The following CRHBP variants were observed in gnomAD, a reference collection of about 807,000 sequenced individuals.
The protein encoded by CRHBP is corticotropin releasing hormone binding protein.
Under a neutral mutation model 34.9 loss-of-function variants are expected in CRHBP, and 19 were observed. The observed-to-expected ratio is 0.55, with a 90% CI of 0.38 to 0.80. The LOEUF is 0.80. Ranked by LOEUF, CRHBP falls within the 30% of genes least tolerant of loss-of-function variation. The probability of loss-of-function intolerance (pLI) is 0.00; values close to 1 mark genes in which losing one functional copy is unlikely to be tolerated. For synonymous variants in CRHBP, 154 were observed against 153.4 expected (o/e 1.00, Z -0.03); for missense variants, 328 against 409.2 (o/e 0.80, Z 1.71).
Position 76,954,155 on chromosome 5 carries a change from C to T in CRHBP, c.302C>T (p.Ser101Phe). Reference protein sequence around the residue: ...EFITIHYDQVSIDCQGGDFLK... With the variant: ...EFITIHYDQVFIDCQGGDFLK... ...ATTACCATCCACTACGACCAGGTCT[C>T]CATCGACTGTCAGGGCGGCGACTTC... Residue 101 changes from serine to phenylalanine, a missense_variant, in exon 3 of 7, where the codon TCC becomes TTC. Coordinates refer to ENST00000274368, the MANE Select transcript of CRHBP (RefSeq NM_001882.4). 4 of 1,613,794 alleles carry T rather than the reference C, an allele frequency of 2.5e-6. No homozygotes were observed. Among genetic ancestry groups the T allele is most frequent in the Non-Finnish European group, 3.4e-6 (4 of 1,179,856 alleles).
rs761765074 is a variant in CRHBP, at chr5:76,954,171, C to A, written c.318C>A (p.Gly106=). The change falls in exon 3 of 7, where the codon GGC becomes GGA. Residue 106 remains glycine, a synonymous_variant. Coordinates refer to ENST00000274368, the MANE Select transcript of CRHBP (RefSeq NM_001882.4). The part of the protein sequence containing the change: ...HYDQVSIDCQ[G]GDFLKVFDGW... ...ACCAGGTCTCCATCGACTGTCAGGGCGGCGACTTCCTGAAGGTGAGGCGCC... is the reference window on the plus strand; with the variant it reads ...ACCAGGTCTCCATCGACTGTCAGGGAGGCGACTTCCTGAAGGTGAGGCGCC... The A allele has an allele frequency of 6.2e-7, 1 of 1,612,990 alleles. No individual in the cohort carries two copies. The highest frequency in any genetic ancestry group is 1.1e-5 in the South Asian group (1 of 90,868).
chr5:76,956,626 T>G (rs1417406477), intron 4 of CRHBP, among the ~76,000 whole-genome samples: 2 of 151,972 alleles, frequency 1.3e-5, no homozygotes, highest in Admixed American at 1.3e-4. Context: ...TCCCAGCTAC[T>G]TGGGAGAGAA....
intron 5 of CRHBP, among the ~76,000 whole-genome samples, chr5:76,960,551 G>T (rs1266290300): frequency 6.6e-6 from 1 of 152,148 alleles, no homozygotes; most frequent in Non-Finnish European, 1.5e-5. Context: ...GTAGGGCCAT[G>T]CCACCCTTTT....
At chr5:76,953,899 G>T in intron 2 of CRHBP, 130 bp from the exon 3 acceptor site, 1 of 1,274,872 alleles carries the variant, frequency 7.8e-7, no homozygotes, top group Non-Finnish European at 1.1e-6. Context: ...ACCCAGCGCA[G>T]CCTAGGCTGG....
intron 3 of CRHBP, among the ~76,000 whole-genome samples, chr5:76,978,084 G>A (rs1205376546): frequency 6.6e-6 from 1 of 152,118 alleles, no homozygotes; most frequent in African/African-American, 2.4e-5. Flanking sequence ...ACCTGCCGAA[G>A]AAAAGTTGGA....
intron 3 of CRHBP, 68 bp downstream of exon 3, chr5:76,954,254 C>T (rs1745629751): frequency 2.6e-6 from 4 of 1,538,630 alleles, no homozygotes; most frequent in Non-Finnish European, 3.5e-6. Flanking sequence ...GGCTGGGGCG[C>T]TGCACCCAGC....
chr5:76,968,953 G>C lies in CRHBP; in HGVS notation c.*68G>C, dbSNP rs1193489927. 1 of 1,552,110 alleles carries C rather than the reference G, an allele frequency of 6.4e-7. No homozygotes were observed. Among genetic ancestry groups the C allele is most frequent in the Non-Finnish European group, 8.8e-7 (1 of 1,138,310 alleles). On this transcript the variant is annotated 3_prime_UTR_variant, in exon 7 of 7. Coordinates refer to ENST00000274368, the MANE Select transcript of CRHBP (RefSeq NM_001882.4). ...TTTAATGGCCATTGTGTATGATTTTGATGCACAACTAGTTAAAAGCCTTTC... is the reference window on the plus strand; with the variant it reads ...TTTAATGGCCATTGTGTATGATTTTCATGCACAACTAGTTAAAAGCCTTTC...
rs894664282 is a variant in CRHBP at position 76,969,293 on chromosome 5, T to G, written c.*408T>G. 6.4e-6 allele frequency: 1 copy of G among 156,476 alleles called. No homozygotes were observed. 9.7% of individuals were successfully genotyped at this position (156,476 alleles called of 1,614,324 possible). ...AGTTTTATAACAGGATAAAGTCTTGTGTATAGCAAAGTAGTTGCATCTGTT... is the reference window on the plus strand; with the variant it reads ...AGTTTTATAACAGGATAAAGTCTTGGGTATAGCAAAGTAGTTGCATCTGTT... On this transcript the variant is annotated 3_prime_UTR_variant, in exon 7 of 7. Coordinates refer to ENST00000274368, the MANE Select transcript of CRHBP (RefSeq NM_001882.4).
At chr5:76,953,768 C>A in intron 2 of CRHBP, 74 bp downstream of exon 2, 5 of 1,438,776 alleles carry the variant, frequency 3.5e-6, no homozygotes, top group Non-Finnish European at 4.8e-6. Context: ...GGGCAGAGGG[C>A]TCGCGGACAT....
intron 2 of CRHBP, 145 bp downstream of exon 2, chr5:76,953,839 C>G: frequency 8.6e-7 from 1 of 1,161,820 alleles, no homozygotes; most frequent in Non-Finnish European, 1.2e-6. Flanking sequence ...AGGATCGGTC[C>G]GCGGAGGCGC....
At chr5:76,958,340 G>A (rs377387315) in intron 4 of CRHBP, among the ~76,000 whole-genome samples, 2 of 152,116 alleles carry the variant, frequency 1.3e-5, no homozygotes, top group African/African-American at 4.8e-5. Flanking sequence ...AATAGACAGA[G>A]TTTGAGTTTT....
At chr5:76,980,047 C>T (rs956984815) in intron 3 of CRHBP, among the ~76,000 whole-genome samples, 6 of 150,248 alleles carry the variant, frequency 4.0e-5, no homozygotes, top group African/African-American at 1.2e-4. Flanking sequence ...GTCAGGAGAT[C>T]GAGACCATCC....
chr5:76,953,804 G>T, intron 2 of CRHBP, 110 bp downstream of exon 2: 8 of 1,267,208 alleles, frequency 6.3e-6, no homozygotes, highest in Non-Finnish European at 8.7e-6. Context: ...GGCCGGAACC[G>T]CCAGGGGCGC....
chr5:76,959,081 T>G, intron 5 of CRHBP, 192 bp downstream of exon 5: 2 of 522,866 alleles, frequency 3.8e-6, no homozygotes, highest in Non-Finnish European at 3.3e-6. Flanking sequence ...ATGCGGCAAG[T>G]TGCATACTCA....
intron 2 of CRHBP, among the ~76,000 whole-genome samples, chr5:76,975,933 TGTGTATATATATATATATATGC>T (rs989045665): frequency 3.9e-5 from 4 of 103,850 alleles, no homozygotes; most frequent in African/African-American, 8.8e-5. Context: ...TATATGTGTG[TGTGTATATATATATATATATGC>T]GTGTATATAT....
In CRHBP at chr5:76,953,347, T is replaced by C. The variant is rs1402921565; in HGVS notation, c.81+132T>C. The C allele has an allele frequency of 5.5e-6, 5 of 913,140 alleles. No individual in the cohort carries two copies. In the Admixed American group the frequency reaches 6.4e-5, roughly 12 times the overall value. 56.6% of individuals were successfully genotyped at this position (913,140 alleles called of 1,614,324 possible). ...TCTCTGCTGGATGCTGTCTTGCCCC[T>C]GGTTTCCCCTATCCTGTTCTCCCTC... On this transcript the variant is annotated intron_variant, in intron 1 of 6. Transcript: ENST00000274368.
At chr5:76,978,574 A>C (rs1746073744) in intron 3 of CRHBP, among the ~76,000 whole-genome samples, 1 of 152,252 alleles carries the variant, frequency 6.6e-6, no homozygotes, top group Admixed American at 6.5e-5. Flanking sequence ...GCTCATTGAC[A>C]ATGCACCTGG....
Position 76,955,750 on chromosome 5 carries a change from G to T in CRHBP, c.431G>T (p.Gly144Val). The change falls in exon 4 of 7, where the codon GGT becomes GTT. Residue 144 changes from glycine to valine, a missense_variant. Around this residue, in one of 3 missense-constraint regions of CRHBP, gnomAD observed 173 missense variants for 172.2 expected, o/e 1.00. Coordinates refer to ENST00000274368, the MANE Select transcript of CRHBP (RefSeq NM_001882.4). The stretch of plus-strand genomic sequence containing the variant: ...CGGTACATAGATTTCTGTGAGAGTG[G>T]TCTTAGCAGGAGGAGCATCAGATCT... ...AERYIDFCES[G>V]LSRRSIRSSQ... 1 of 1,614,156 alleles carries T rather than the reference G, an allele frequency of 6.2e-7. No individual in the cohort carries two copies. Among genetic ancestry groups the T allele is most frequent in the Non-Finnish European group, 8.5e-7 (1 of 1,180,026 alleles).
rs376355527 is a variant in CRHBP, at chr5:76,953,591, T to C, written c.82-10T>C. ...TGAACTTTTCCGGACTGACCTATGT[T>C]TCTTGCCAGCTGAGGGAAGCGGCGG... On this transcript the variant is annotated splice_polypyrimidine_tract_variant and intron_variant, in intron 1 of 6. Coordinates refer to ENST00000274368, the MANE Select transcript of CRHBP (RefSeq NM_001882.4). 8.1e-6 allele frequency: 13 copies of C among 1,611,660 alleles called. No individual in the cohort carries two copies. In the African/African-American group the frequency reaches 1.7e-4, roughly 22 times the overall value.
Sources: allele counts gnomAD v4.1 joint callset (sites outside exome capture counted in the v4.1 genomes callset), GRCh38; gene constraint gnomAD v4.1.1; regional missense constraint gnomAD v4.1.1; transcripts MANE v1.5; gene names NCBI Gene and HGNC (gene_info 2026-07-23, HGNC 2026-07-21).